AK5: variants seen among roughly 807,000 people sequenced by gnomAD.
The protein encoded by AK5 is adenylate kinase 5, also known as adenylate kinase isoenzyme 5.
A neutral mutation model predicts 69.5 loss-of-function variants in AK5; 27 were observed. The observed-to-expected ratio is 0.39, with a 90% CI of 0.29 to 0.54. The LOEUF is 0.54. Among genes scored for constraint, AK5 ranks in the 20% least tolerant of loss-of-function variants. AK5 has a pLI of 0.71. For missense variants in AK5, 531 were observed against 700.4 expected, an observed-to-expected ratio of 0.76 and a Z score of 2.73; for synonymous variants, 260 against 244.4, an observed-to-expected ratio of 1.06 and a Z score of -0.60.
intron 3 of AK5, among the ~76,000 whole-genome samples, chr1:77,295,553 C>G (rs1348032053): frequency 6.6e-6 from 1 of 152,102 alleles, no homozygotes; most frequent in Non-Finnish European, 1.5e-5. Flanking sequence ...TTAAAACTTT[C>G]AAGTCCTTAC....
intron 12 of AK5, among the ~76,000 whole-genome samples, chr1:77,526,886 C>T (rs560887046): frequency 2.6e-5 from 4 of 151,910 alleles, no homozygotes; most frequent in Non-Finnish European, 2.9e-5. Context: ...CTCTCTCTCT[C>T]GGTCAACAAC....
chr1:77,548,313 A>T (rs1319196665), intron 13 of AK5, among the ~76,000 whole-genome samples: 1 of 152,198 alleles, frequency 6.6e-6, no homozygotes, highest in African/African-American at 2.4e-5. Flanking sequence ...CTGACTGGAT[A>T]TGTGAACTGG....
chr1:77,334,212 G>T (rs1484042953), intron 5 of AK5, among the ~76,000 whole-genome samples: 1 of 151,916 alleles, frequency 6.6e-6, no homozygotes, highest in African/African-American at 2.4e-5. Context: ...AGATTTTTTT[G>T]CTGGATATAA....
intron 6 of AK5, among the ~76,000 whole-genome samples, chr1:77,388,841 G>T (rs905084800): frequency 6.6e-6 from 1 of 152,062 alleles, no homozygotes; most frequent in African/African-American, 2.4e-5. Flanking sequence ...CTCTTTTGAC[G>T]TGGTGACTGG....
intron 6 of AK5, among the ~76,000 whole-genome samples, chr1:77,359,793 C>T (rs11162323): frequency 0.65 from 98,884 of 152,074 alleles, 32,298 homozygotes; most frequent in Middle Eastern, 0.74. Flanking sequence ...TTTGGTTTCA[C>T]AGTATGTCAA....
intron 5 of AK5, among the ~76,000 whole-genome samples, chr1:77,328,067 C>T (rs1660896195): frequency 6.6e-6 from 1 of 152,160 alleles, no homozygotes; most frequent in African/African-American, 2.4e-5. Context: ...CTAGTAAATA[C>T]TAGCTGAATA....
At position 77,510,386 on chromosome 1, in the gene AK5, T is replaced by C. The variant is rs562199784; in HGVS notation, c.1148-8178T>C. 8.3e-4 allele frequency among the ~76,000 whole-genome samples: 121 copies of C among 146,370 alleles called. 1 individual carries two copies. The highest frequency in any genetic ancestry group is 3.0e-3 in the African/African-American group (120 of 40,178). On this transcript the variant is annotated intron_variant, in intron 10 of 13. Transcript: ENST00000354567. ...ACTAGAAGCAAGCCAAAAAGTAATA[T>C]GACAAATATGCAATCACTGTTGAAC...
intron 6 of AK5, among the ~76,000 whole-genome samples, chr1:77,364,033 T>C (rs1278129730): frequency 2.0e-5 from 3 of 152,146 alleles, no homozygotes; most frequent in Non-Finnish European, 4.4e-5. Flanking sequence ...TGGAAAGTGT[T>C]CAATAAATAT....
chr1:77,367,877 A>T (rs1216656016), intron 6 of AK5, among the ~76,000 whole-genome samples: 5 of 14,216 alleles, frequency 3.5e-4, no homozygotes, highest in African/African-American at 6.9e-4. Context: ...TGTGATATAT[A>T]ATATAAAATA....
intron 1 of AK5, among the ~76,000 whole-genome samples, chr1:77,285,959 A>G (rs2100638523): frequency 6.6e-6 from 1 of 152,276 alleles, no homozygotes; most frequent in South Asian, 2.1e-4. Flanking sequence ...GTGTTGTTGA[A>G]GAGCTTATAG....
In AK5 at chr1:77,520,164, C is replaced by T. The variant is rs12737982; in HGVS notation, c.1311+1437C>T. ...GTTGCAGTGAACCAAGATCACGCCT[C>T]TGCACTCCAGCCCAGGCAACAGCGT... On this transcript the variant is annotated intron_variant, in intron 11 of 13. Transcript: ENST00000354567. 5.5e-5 allele frequency among the ~76,000 whole-genome samples: 8 copies of T among 146,440 alleles called. No individual in the cohort carries two copies. In the South Asian group the frequency reaches 8.7e-4, roughly 16 times the overall value.
intron 11 of AK5, among the ~76,000 whole-genome samples, chr1:77,521,379 G>A (rs898510868): frequency 3.3e-5 from 5 of 151,936 alleles, no homozygotes; most frequent in African/African-American, 7.3e-5. Context: ...GGTGATCCAC[G>A]CACCTCGGCC....
In AK5 at chr1:77,400,701, A is replaced by G. The variant is rs539981153; in HGVS notation, c.892-10280A>G. 8.6e-4 allele frequency among the ~76,000 whole-genome samples: 131 copies of G among 152,292 alleles called. 1 individual carries two copies. The highest frequency in any genetic ancestry group is 2.9e-3 in the African/African-American group (121 of 41,552). On this transcript the variant is annotated intron_variant, in intron 6 of 13. Coordinates refer to ENST00000354567, the MANE Select transcript of AK5 (RefSeq NM_174858.3). ...GTTTTTCATAAAACAGTTCATAAAT[A>G]TCACAACAATTTTCTCTAGTATCTC...
At chr1:77,351,661 A>AG (rs1266052627) in intron 6 of AK5, among the ~76,000 whole-genome samples, 1 of 152,186 alleles carries the variant, frequency 6.6e-6, no homozygotes, top group Non-Finnish European at 1.5e-5. Flanking sequence ...TCTTTAGGAA[A>AG]GCAAAAGCTT....
chr1:77,398,838 G>A (rs1201156554), intron 6 of AK5, among the ~76,000 whole-genome samples: 15 of 152,026 alleles, frequency 9.9e-5, no homozygotes, highest in East Asian at 1.9e-4. Context: ...GAACAAAGTA[G>A]GTGTTCAATA....
intron 6 of AK5, among the ~76,000 whole-genome samples, chr1:77,364,602 T>A (rs1288486734): frequency 6.6e-6 from 1 of 152,210 alleles, no homozygotes; most frequent in African/African-American, 2.4e-5. Context: ...AGCTTCCACC[T>A]ATGAGTGAGA....
At chr1:77,339,170 A>G (rs1290620167) in intron 5 of AK5, among the ~76,000 whole-genome samples, 2 of 152,254 alleles carry the variant, frequency 1.3e-5, no homozygotes, top group African/African-American at 2.4e-5. Flanking sequence ...TGCATATCAT[A>G]TGTACATGCA....
chr1:77,346,216 C>T (rs1185734380), intron 6 of AK5: 2 of 152,198 alleles, frequency 1.3e-5, no homozygotes, highest in Non-Finnish European at 2.9e-5. Flanking sequence ...CCATGCCCTT[C>T]AAACCCCTGT....
At chr1:77,526,124 T>TA (rs1658266917) in intron 12 of AK5, among the ~76,000 whole-genome samples, 1 of 152,188 alleles carries the variant, frequency 6.6e-6, no homozygotes, top group South Asian at 2.1e-4. Flanking sequence ...AGGCTGTGGA[T>TA]AAGTCCCTAG....
Sources: gnomAD v4.1 joint callset for allele counts (sites outside exome capture counted in the v4.1 genomes callset) on GRCh38, gnomAD v4.1.1 for gene constraint, MANE v1.5 for transcripts, NCBI Gene and HGNC (gene_info 2026-07-23, HGNC 2026-07-21) for gene names.